The following TRPM3 variants were observed in gnomAD, a reference collection of about 807,000 sequenced individuals.
The protein encoded by TRPM3 is transient receptor potential cation channel subfamily M member 3, also known as long transient receptor potential channel 3.
A neutral mutation model predicts 181.2 loss-of-function variants in TRPM3; 77 were observed. The ratio of observed to expected loss-of-function variants is 0.42; its 90% CI spans 0.35 to 0.51. TRPM3 has a LOEUF of 0.51. Ranked by LOEUF, TRPM3 falls within the 20% of genes least tolerant of loss-of-function variation. TRPM3 has a pLI of 0.01. For missense variants in TRPM3, 1,759 were observed against 2,196.7 expected (o/e 0.80, Z 3.98); for synonymous variants, 745 against 796.4 (o/e 0.94, Z 1.09).
intron 21 of TRPM3, among the ~76,000 whole-genome samples, chr9:70,593,760 A>G (rs933837124): frequency 6.6e-6 from 1 of 151,394 alleles, no homozygotes; most frequent in Admixed American, 6.6e-5. Flanking sequence ...TAAATTATCC[A>G]GTCGGTTCAA....
chr9:71,306,332 T>C (rs1365771335), intron 1 of TRPM3, among the ~76,000 whole-genome samples: 2 of 152,160 alleles, frequency 1.3e-5, no homozygotes, highest in South Asian at 2.1e-4. Context: ...AAAGTTTCCA[T>C]TTGTGACTGG....
At chr9:71,151,439 T>C (rs888064635) in intron 1 of TRPM3, among the ~76,000 whole-genome samples, 4 of 152,108 alleles carry the variant, frequency 2.6e-5, no homozygotes, top group African/African-American at 9.7e-5. Flanking sequence ...ATTGTTCATC[T>C]ATCAGATTGG....
rs2093738364 is a variant in TRPM3 at position 71,420,820 on chromosome 9, A to AGG, written c.183+25832_183+25833insCC. Among the ~76,000 whole-genome samples, 6 of 51,104 alleles carry AGG rather than the reference A, an allele frequency of 1.2e-4. 1 individual carries two copies. Among genetic ancestry groups the AGG allele is most frequent in the African/African-American group, 4.0e-4 (6 of 15,050 alleles). 33.5% of individuals were successfully genotyped at this position (51,104 alleles called of 152,430 possible). On this transcript the variant is annotated intron_variant, in intron 1 of 24. Coordinates refer to the TRPM3 transcript ENST00000357533. ...GAAAGAAAGAGAGAAAGAAAGAGAGAAAGAGAGGGAAAGAAAGAGAGAGGA... is the reference window on the plus strand; with the variant it reads ...GAAAGAAAGAGAGAAAGAAAGAGAGAGGAAGAGAGGGAAAGAAAGAGAGAGGA...
At chr9:71,169,235 A>C (rs994305158) in intron 1 of TRPM3, among the ~76,000 whole-genome samples, 1 of 152,176 alleles carries the variant, frequency 6.6e-6, no homozygotes, top group Non-Finnish European at 1.5e-5. Flanking sequence ...TTTTGTTTAC[A>C]GGCAGTATGT....
At chr9:71,299,904 G>C (rs1490492353) in intron 1 of TRPM3, among the ~76,000 whole-genome samples, 2 of 152,020 alleles carry the variant, frequency 1.3e-5, no homozygotes, top group Admixed American at 1.3e-4. Context: ...AGAGAAAATG[G>C]GATGAAAATC....
intron 1 of TRPM3, among the ~76,000 whole-genome samples, chr9:71,314,625 T>C (rs982120379): frequency 2.0e-5 from 3 of 152,120 alleles, no homozygotes; most frequent in Admixed American, 2.0e-4. Flanking sequence ...TCAGAGAGCA[T>C]GACACATTCC....
intron 9 of TRPM3, among the ~76,000 whole-genome samples, chr9:70,646,990 A>G (rs2058969446): frequency 1.3e-5 from 2 of 152,296 alleles, no homozygotes; most frequent in Admixed American, 6.5e-5. Context: ...AGATTGAACC[A>G]GGAAGAAACT....
In TRPM3 at chr9:71,437,715, A is replaced by G. The variant is rs144112592; in HGVS notation, c.183+8938T>C. Among the ~76,000 whole-genome samples the G allele has an allele frequency of 4.7e-3, 714 of 152,004 alleles. 7 individuals carry two copies. The highest frequency in any genetic ancestry group is 0.027 in the South Asian group (129 of 4,812). On this transcript the variant is annotated intron_variant, in intron 1 of 24. Transcript: ENST00000357533. ...AAACCCTGTCTCTACTAAAAATACAAAAATTAGCCGGGAGTGGTGGCAGGC... is the reference window on the plus strand; with the variant it reads ...AAACCCTGTCTCTACTAAAAATACAGAAATTAGCCGGGAGTGGTGGCAGGC...
At chr9:70,915,087 T>C (rs2096577382) in intron 1 of TRPM3, among the ~76,000 whole-genome samples, 1 of 152,156 alleles carries the variant, frequency 6.6e-6, no homozygotes, top group African/African-American at 2.4e-5. Flanking sequence ...CCAGAAAACA[T>C]GGCCTCATGA....
intron 8 of TRPM3, among the ~76,000 whole-genome samples, chr9:70,682,394 A>T (rs998430236): frequency 6.6e-6 from 1 of 152,184 alleles, no homozygotes; most frequent in Non-Finnish European, 1.5e-5. Context: ...ATCCAGTTCC[A>T]TAACTCCTAA....
At chr9:70,775,615 C>T (rs1234095292) in intron 7 of TRPM3, 1 of 152,124 alleles carries the variant, frequency 6.6e-6, no homozygotes, top group East Asian at 1.9e-4. Flanking sequence ...TCAGAGCTGC[C>T]TTTGTAGGTG....
chr9:70,852,294 T>C (rs1323074869), intron 3 of TRPM3, among the ~76,000 whole-genome samples: 1 of 152,052 alleles, frequency 6.6e-6, no homozygotes, highest in Non-Finnish European at 1.5e-5. Context: ...ACAACAGGGA[T>C]GTTGGTTTCA....
rs71507124 is a variant in TRPM3 at position 70,751,999 on chromosome 9, AGTGTGTGTGT to A, written c.1272+9592_1272+9601del. Among the ~76,000 whole-genome samples, 387 of 104,572 alleles carry A rather than the reference AGTGTGTGTGT, an allele frequency of 3.7e-3. 3 individuals are homozygous for A. Among genetic ancestry groups the A allele is most frequent in the African/African-American group, 0.013 (338 of 25,192 alleles). The allele number at this position is 104,572 out of a possible 152,430, so 68.6% of individuals were successfully genotyped here. On this transcript the variant is annotated intron_variant, in intron 8 of 25. Transcript: ENST00000677713. ...ATGCAGTTTCAATCCACATCTCAACAGTGTGTGTGTGTGTGTGTGTGTGTGTGTGTGTGTG... is the reference window on the plus strand; with the variant it reads ...ATGCAGTTTCAATCCACATCTCAACAGTGTGTGTGTGTGTGTGTGTGTGTG...
At chr9:71,273,516 T>C (rs2083962932) in intron 1 of TRPM3, among the ~76,000 whole-genome samples, 1 of 152,180 alleles carries the variant, frequency 6.6e-6, no homozygotes. Context: ...CTTGATAAAG[T>C]GTAATTATGA....
chr9:71,411,204 G>A (rs2093542148), intron 1 of TRPM3, among the ~76,000 whole-genome samples: 8 of 152,210 alleles, frequency 5.3e-5, no homozygotes, highest in Admixed American at 5.2e-4. Flanking sequence ...AGACAGTGAT[G>A]CCGTCTCCCA....
chr9:70,587,350 G>GGTACAGCCTGGGGAATCTGAAT (rs2057317250), intron 22 of TRPM3, among the ~76,000 whole-genome samples: 1 of 152,270 alleles, frequency 6.6e-6, no homozygotes, highest in East Asian at 1.9e-4. Flanking sequence ...CTCCTGCCCT[G>GGTACAGCCTGGGGAATCTGAAT]GTACAGCCTG....
At chr9:71,045,425 A>C (rs1239341571) in intron 1 of TRPM3, among the ~76,000 whole-genome samples, 5 of 152,202 alleles carry the variant, frequency 3.3e-5, no homozygotes. Flanking sequence ...GCCACACTGT[A>C]AACTCCTGAA....
chr9:71,201,434 G>A (rs1027599039), intron 1 of TRPM3, among the ~76,000 whole-genome samples: 6 of 152,224 alleles, frequency 3.9e-5, no homozygotes, highest in South Asian at 2.1e-4. Context: ...TTGCTAGATC[G>A]GGGAAGTTCT....
chr9:71,052,640 C>T (rs998813174), intron 1 of TRPM3, among the ~76,000 whole-genome samples: 3 of 152,060 alleles, frequency 2.0e-5, no homozygotes, highest in African/African-American at 7.2e-5. Flanking sequence ...AGACTTGCTG[C>T]CACGTCCATT....
Sources: gnomAD v4.1 joint callset for allele counts (sites outside exome capture counted in the v4.1 genomes callset) on GRCh38, gnomAD v4.1.1 for gene constraint, MANE v1.5 for transcripts, NCBI Gene and HGNC (gene_info 2026-07-23, HGNC 2026-07-21) for gene names.